MRAS: variants seen among roughly 807,000 people sequenced by gnomAD.
The protein encoded by MRAS is ras-related protein M-Ras.
A neutral mutation model predicts 20.9 loss-of-function variants in MRAS; 4 were observed. The observed-to-expected ratio is 0.19, with a 90% CI of 0.09 to 0.44. The LOEUF is 0.44. Ranked by LOEUF, MRAS falls within the 20% of genes least tolerant of loss-of-function variation. The pLI, the probability that MRAS is intolerant of heterozygous loss-of-function variation, is 0.99. For synonymous variants in MRAS, 98 were observed against 102.9 expected (o/e 0.95, Z 0.29); for missense variants, 154 against 277.5 (o/e 0.56, Z 3.16).
rs1232275371 is a variant in MRAS at position 138,404,571 on chromosome 3, G to A, written c.*2302G>A. The A allele has an allele frequency of 1.3e-5, 2 of 152,332 alleles. No individual in the cohort carries two copies. Among genetic ancestry groups the A allele is most frequent in the African/African-American group, 2.4e-5 (1 of 41,534 alleles). The allele number at this position is 152,332 out of a possible 1,614,324, so 9.4% of individuals were successfully genotyped here. A position where few individuals can be genotyped will look rare whatever the true frequency, so the allele number is the denominator to read the frequency against. On this transcript the variant is annotated 3_prime_UTR_variant, in exon 6 of 6. Transcript: ENST00000423968. ...GCACTTGGCCCACGTTGAACTCCAT[G>A]GTGCCTGAGAGAGACTAGTTAAGGG...
intron 1 of MRAS, among the ~76,000 whole-genome samples, chr3:138,364,047 G>A (rs75177599): frequency 1.3e-5 from 2 of 152,244 alleles, no homozygotes; most frequent in East Asian, 1.9e-4. Flanking sequence ...TTTCATCCAC[G>A]TTCATTCAGC....
chr3:138,400,901 C>G (rs1327764391), intron 5 of MRAS, among the ~76,000 whole-genome samples: 1 of 152,188 alleles, frequency 6.6e-6, no homozygotes, highest in African/African-American at 2.4e-5. Context: ...GAAGGCAGCT[C>G]CCTCCAGCCT....
chr3:138,387,411 G>A (rs2055039974), intron 2 of MRAS, among the ~76,000 whole-genome samples: 1 of 152,208 alleles, frequency 6.6e-6, no homozygotes, highest in Non-Finnish European at 1.5e-5. Context: ...CTGTGGGGAT[G>A]CCACTGCCGA....
intron 1 of MRAS, among the ~76,000 whole-genome samples, chr3:138,353,598 A>C (rs1283526574): frequency 6.6e-6 from 1 of 152,110 alleles, no homozygotes; most frequent in Non-Finnish European, 1.5e-5. Flanking sequence ...ACTTTCTTCA[A>C]CTGCTCTTCA....
chr3:138,383,605 C>T (rs2054949392), intron 2 of MRAS, among the ~76,000 whole-genome samples: 1 of 152,186 alleles, frequency 6.6e-6, no homozygotes, highest in Admixed American at 6.5e-5. Flanking sequence ...AGGAGTGAGG[C>T]TTGAGCCCCT....
At chr3:138,378,917 G>A (rs1159848374) in intron 2 of MRAS, among the ~76,000 whole-genome samples, 1 of 151,832 alleles carries the variant, frequency 6.6e-6, no homozygotes, top group Non-Finnish European at 1.5e-5. Context: ...TATTCTGCTT[G>A]CTCCCTTTTC....
At position 138,364,177 on chromosome 3, in the gene MRAS, T is replaced by A. The variant is rs1006774440; in HGVS notation, c.-18-8689T>A. 2.0e-5 allele frequency among the ~76,000 whole-genome samples: 3 copies of A among 152,190 alleles called. No individual in the cohort carries two copies. The South Asian group carries it at 6.2e-4, about 32-fold the overall frequency. On this transcript the variant is annotated intron_variant, in intron 1 of 5. Transcript: ENST00000423968. ...CTGAGCCCCCACACACATATCGGCC[T>A]GCTAGCCTTCCGAGAAGGGAGAGGT...
intron 1 of MRAS, among the ~76,000 whole-genome samples, chr3:138,370,420 C>T (rs945849937): frequency 2.0e-5 from 3 of 152,198 alleles, no homozygotes; most frequent in Non-Finnish European, 2.9e-5. Flanking sequence ...GTGAACCCCA[C>T]GCTCTGCAGC....
rs1207292558 is a variant in MRAS at position 138,348,743 on chromosome 3, AGCCGAGCCGGGGCTGGAGCGC to A, written c.-40_-20del. 2 of 151,422 alleles carry A rather than the reference AGCCGAGCCGGGGCTGGAGCGC, an allele frequency of 1.3e-5. No individual in the cohort carries two copies. The highest frequency in any genetic ancestry group is 2.9e-5 in the Non-Finnish European group (2 of 67,836). The allele number at this position is 151,422 out of a possible 1,614,324, so 9.4% of individuals were successfully genotyped here. On this transcript the variant is annotated 5_prime_UTR_variant, in exon 1 of 6. Transcript: ENST00000423968. Reference sequence around the variant, plus strand: ...TAGGAGGGGGCGGCCTGAGTGCCGTAGCCGAGCCGGGGCTGGAGCGCGCGGTGAGTGGTCGGGCGGCCTTGG... The same window carrying A: ...TAGGAGGGGGCGGCCTGAGTGCCGTAGCGGTGAGTGGTCGGGCGGCCTTGG...
intron 1 of MRAS, among the ~76,000 whole-genome samples, chr3:138,363,915 G>C (rs969040026): frequency 5.0e-5 from 7 of 141,016 alleles, no homozygotes; most frequent in African/African-American, 1.5e-4. Context: ...GAGAAACTTT[G>C]TTTCATGCTG....
At chr3:138,361,878 A>C (rs1054844788) in intron 1 of MRAS, among the ~76,000 whole-genome samples, 1 of 152,124 alleles carries the variant, frequency 6.6e-6, no homozygotes, top group African/African-American at 2.4e-5. Flanking sequence ...TGCTAGGAAA[A>C]TATTAATAGA....
At chr3:138,399,772 G>T (rs987910745) in intron 4 of MRAS, among the ~76,000 whole-genome samples, 1 of 152,196 alleles carries the variant, frequency 6.6e-6, no homozygotes, top group Non-Finnish European at 1.5e-5. Context: ...TTCCTGCCTT[G>T]GTGGGGTCCC....
chr3:138,401,574 T>G (rs2055360751), intron 5 of MRAS, among the ~76,000 whole-genome samples: 1 of 152,170 alleles, frequency 6.6e-6, no homozygotes, highest in African/African-American at 2.4e-5. Context: ...GAGGATTGCT[T>G]GAGGCTAGGA....
chr3:138,354,947 A>G (rs182207594), intron 1 of MRAS, among the ~76,000 whole-genome samples: 1,577 of 152,000 alleles, frequency 0.01, 13 homozygotes, highest in Non-Finnish European at 0.016. Flanking sequence ...TGCCCATCTA[A>G]TTTAAAAAAA....
intron 1 of MRAS, among the ~76,000 whole-genome samples, chr3:138,362,703 A>T (rs1356351082): frequency 6.6e-6 from 1 of 152,106 alleles, no homozygotes; most frequent in Non-Finnish European, 1.5e-5. Flanking sequence ...ATCACACCCA[A>T]CGCTCTCCCC....
Position 138,363,477 on chromosome 3 carries a change from G to C in MRAS, c.-18-9389G>C, listed in dbSNP as rs536778485. On this transcript the variant is annotated intron_variant, in intron 1 of 5. Transcript: ENST00000423968. ...GCTGGGTGAGATGCCTCCCACTCCT[G>C]TGCTCCTGCATTACTTACCCAGTGT... Among the ~76,000 whole-genome samples, 4 of 152,204 alleles carry C rather than the reference G, an allele frequency of 2.6e-5. No individual in the cohort carries two copies. In the East Asian group the frequency reaches 7.7e-4, roughly 29 times the overall value.
chr3:138,359,882 T>A (rs1280336065), intron 1 of MRAS, among the ~76,000 whole-genome samples: 1 of 152,240 alleles, frequency 6.6e-6, no homozygotes, highest in African/African-American at 2.4e-5. Flanking sequence ...GTTGATTTAT[T>A]TGGGTTACAC....
At chr3:138,398,382 G>T in intron 3 of MRAS, 87 bp from the exon 4 acceptor site, 1 of 1,088,950 alleles carries the variant, frequency 9.2e-7, no homozygotes. Context: ...GGCTGGCTGT[G>T]CTATGCCTGA....
chr3:138,382,806 G>A (rs181386130), intron 2 of MRAS, among the ~76,000 whole-genome samples: 14 of 152,358 alleles, frequency 9.2e-5, no homozygotes, highest in Admixed American at 7.8e-4. Flanking sequence ...ATATATGCCA[G>A]TTAATGTGGG....
Sources: gnomAD v4.1 joint callset for allele counts (sites outside exome capture counted in the v4.1 genomes callset) on GRCh38, gnomAD v4.1.1 for gene constraint, MANE v1.5 for transcripts, NCBI Gene and HGNC (gene_info 2026-07-23, HGNC 2026-07-21) for gene names.